EFCAB7: variants seen among roughly 807,000 people sequenced by gnomAD.
EFCAB7 encodes the protein EF-hand calcium-binding domain-containing protein 7.
Under a neutral mutation model 77.1 loss-of-function variants are expected in EFCAB7, and 66 were observed. The observed-to-expected ratio is 0.86, with a 90% CI of 0.70 to 1.05. The LOEUF is 1.05. EFCAB7 is among the 50% of genes least tolerant of loss of function. EFCAB7 has a pLI of 0.00. For missense variants in EFCAB7, 638 were observed against 730.5 expected, an observed-to-expected ratio of 0.87 and a Z score of 1.46; for synonymous variants, 225 against 243.3, an observed-to-expected ratio of 0.92 and a Z score of 0.70.
At chr1:63,537,015 AG>A (rs1216623118) in intron 6 of EFCAB7, among the ~76,000 whole-genome samples, 2 of 152,346 alleles carry the variant, frequency 1.3e-5, no homozygotes, top group Non-Finnish European at 2.9e-5. Flanking sequence ...GTGATAGATA[AG>A]GGTAAGCCAT....
At chr1:63,566,716 A>T (rs1405946644) in intron 11 of EFCAB7, among the ~76,000 whole-genome samples, 2 of 151,852 alleles carry the variant, frequency 1.3e-5, no homozygotes, top group African/African-American at 4.8e-5. Context: ...ATCTTTAAAA[A>T]TTTTTACAAA....
chr1:63,540,787 G>C (rs1244810589), intron 6 of EFCAB7, among the ~76,000 whole-genome samples: 2 of 152,170 alleles, frequency 1.3e-5, no homozygotes, highest in Non-Finnish European at 2.9e-5. Context: ...AGGTGTGACA[G>C]TGCAGGTGAT....
At chr1:63,570,923 T>C in intron 12 of EFCAB7, 98 bp from the exon 13 acceptor site, 1 of 744,536 alleles carries the variant, frequency 1.3e-6, no homozygotes, top group South Asian at 2.5e-5. Context: ...GTGCACTATA[T>C]GATGTTAAAA....
chr1:63,551,505 C>A (rs1038546260), intron 7 of EFCAB7, among the ~76,000 whole-genome samples: 1 of 151,946 alleles, frequency 6.6e-6, no homozygotes, highest in African/African-American at 2.4e-5. Flanking sequence ...GCAGGAGAAT[C>A]GCTTGAACCC....
At chr1:63,560,810 C>T (rs1385508879) in intron 10 of EFCAB7, among the ~76,000 whole-genome samples, 1 of 152,162 alleles carries the variant, frequency 6.6e-6, no homozygotes, top group East Asian at 1.9e-4. Context: ...GCGTGAGCCA[C>T]CGTGCCCGGC....
intron 7 of EFCAB7, chr1:63,550,391 T>C (rs1646950771): frequency 6.6e-6 from 1 of 152,154 alleles, no homozygotes; most frequent in South Asian, 2.1e-4. Flanking sequence ...TGATTATAAC[T>C]ATACAGTAGT....
At chr1:63,575,858 A>G (rs1471888466), downstream of EFCAB7, among the ~76,000 whole-genome samples, 1 of 152,016 alleles carries the variant, frequency 6.6e-6, no homozygotes, top group Non-Finnish European at 1.5e-5. Flanking sequence ...AAGTGCTGAG[A>G]TTACAGGCAT....
the EFCAB7 span, among the ~76,000 whole-genome samples, chr1:63,583,705 GA>G: frequency 1.3e-5 from 2 of 152,014 alleles, no homozygotes; most frequent in East Asian, 1.9e-4. Context: ...TGGCCTTTTA[GA>G]AAAGAAAACT....
In EFCAB7 at chr1:63,532,667, C is replaced by G; in HGVS notation, c.400-3C>G. The stretch of plus-strand genomic sequence containing the variant: ...TAAAATAAATCTTGTTTTTTTTTTT[C>G]AGAGAGGTGAGAAGATGACTCGAGA... On this transcript the variant is annotated splice_region_variant and splice_polypyrimidine_tract_variant and intron_variant, in intron 3 of 13. Transcript: ENST00000371088. The G allele has an allele frequency of 6.5e-7, 1 of 1,542,716 alleles. No individual in the cohort carries two copies. Among genetic ancestry groups the G allele is most frequent in the Non-Finnish European group, 8.7e-7 (1 of 1,149,296 alleles).
chr1:63,583,056 AT>A, the EFCAB7 span, among the ~76,000 whole-genome samples: 1 of 151,278 alleles, frequency 6.6e-6, no homozygotes, highest in Admixed American at 6.6e-5. Context: ...GAGTTCTCAG[AT>A]ACTATTAAGA....
intron 10 of EFCAB7, among the ~76,000 whole-genome samples, chr1:63,559,960 ATT>A (rs35445895): frequency 1.6e-4 from 24 of 148,070 alleles, no homozygotes; most frequent in East Asian, 8.0e-4. Context: ...AGTGTTAATA[ATT>A]TTTTTTTTTT....
rs1002410732 is a variant in EFCAB7 at position 63,545,923 on chromosome 1, A to G, written c.812A>G (p.Gln271Arg). Residue 271 changes from glutamine (Q) to arginine (R), a missense_variant, in exon 7 of 14, where the codon CAA becomes CGA. Coordinates refer to ENST00000371088, the MANE Select transcript of EFCAB7 (RefSeq NM_032437.4). ...TTTTTTCCTTCATTTCAGGACTGGC[A>G]ACACATGCAATCAAAAGGTTGCTTC... ...LMEPNLIKDWQHMQSKGCFFL... is the reference protein window; with the variant it reads ...LMEPNLIKDWRHMQSKGCFFL... 1.2e-6 allele frequency: 2 copies of G among 1,613,436 alleles called. No homozygotes were observed. The highest frequency in any genetic ancestry group is 3.3e-5 in the Admixed American group (2 of 59,852).
At chr1:63,550,826 G>C (rs566597335) in intron 7 of EFCAB7, among the ~76,000 whole-genome samples, 109 of 151,682 alleles carry the variant, frequency 7.2e-4, no homozygotes, top group African/African-American at 2.6e-3. Flanking sequence ...GATTGGTCTT[G>C]GTATGTGAGA....
intron 7 of EFCAB7, chr1:63,547,840 C>T (rs1206378269): frequency 6.6e-6 from 1 of 152,212 alleles, no homozygotes; most frequent in Non-Finnish European, 1.5e-5. Context: ...GTAAACTAGC[C>T]TGGACCTGTT....
chr1:63,541,636 C>T (rs1052243261), intron 6 of EFCAB7, among the ~76,000 whole-genome samples: 3 of 151,986 alleles, frequency 2.0e-5, no homozygotes, highest in Non-Finnish European at 4.4e-5. Flanking sequence ...ACGATCTCAG[C>T]TCACTGCAAC....
At chr1:63,543,603 T>A (rs1423540634) in intron 6 of EFCAB7, among the ~76,000 whole-genome samples, 1 of 152,198 alleles carries the variant, frequency 6.6e-6, no homozygotes, top group Non-Finnish European at 1.5e-5. Flanking sequence ...GATGTAAGTA[T>A]GTTAGGATAA....
chr1:63,524,561 A>G (rs1646546328), intron 1 of EFCAB7, among the ~76,000 whole-genome samples: 1 of 152,092 alleles, frequency 6.6e-6, no homozygotes, highest in African/African-American at 2.4e-5. Flanking sequence ...TACCTGTGTT[A>G]TCTTATTATT....
At chr1:63,562,445 T>TTA (rs367832241) in intron 11 of EFCAB7, among the ~76,000 whole-genome samples, 6 of 71,086 alleles carry the variant, frequency 8.4e-5, no homozygotes, top group East Asian at 4.5e-4. Flanking sequence ...CCTTCTTAAT[T>TTA]TATTTATATA....
chr1:63,552,856 T>C (rs1475015415), intron 8 of EFCAB7, among the ~76,000 whole-genome samples: 2 of 152,198 alleles, frequency 1.3e-5, no homozygotes, highest in Non-Finnish European at 2.9e-5. Context: ...CAAATAAAAT[T>C]GGCTGAAGTT....
Sources: gnomAD v4.1 joint callset for allele counts (sites outside exome capture counted in the v4.1 genomes callset) on GRCh38, gnomAD v4.1.1 for gene constraint, MANE v1.5 for transcripts, NCBI Gene and HGNC (gene_info 2026-07-23, HGNC 2026-07-21) for gene names.